CRACDL: variants seen among roughly 807,000 people sequenced by gnomAD.
CRACDL encodes CRACD-like protein.
CRACDL carries 26 observed loss-of-function variants against 70.6 expected under a neutral mutation model. The ratio of observed to expected loss-of-function variants is 0.37; its 90% CI spans 0.27 to 0.51. The LOEUF is 0.51. Among genes scored for constraint, CRACDL ranks in the 20% least tolerant of loss-of-function variants. The probability of loss-of-function intolerance (pLI) is 0.94; values close to 1 mark genes in which losing one functional copy is unlikely to be tolerated. For missense variants in CRACDL, 1,283 were observed against 1,376.9 expected (o/e 0.93, Z 1.08); for synonymous variants, 618 against 615.2 (o/e 1.00, Z -0.07).
intron 7 of CRACDL, among the ~76,000 whole-genome samples, chr2:98,818,460 C>T (rs531779742): frequency 1.3e-5 from 2 of 152,246 alleles, no homozygotes; most frequent in African/African-American, 4.8e-5. Flanking sequence ...TGCCCAAAGC[C>T]GAGTCATCTG....
chr2:98,869,287 G>A, intron 1 of CRACDL: 5 of 1,217,892 alleles, frequency 4.1e-6, no homozygotes, highest in Non-Finnish European at 5.3e-6. Flanking sequence ...GCGCCAGGAG[G>A]AAGTGGGGCT....
chr2:98,795,077 A>ATATATATATTTGTTTTTTTTT, intron 9 of CRACDL, among the ~76,000 whole-genome samples: 1 of 58,510 alleles, frequency 1.7e-5, no homozygotes, highest in Non-Finnish European at 3.1e-5. Context: ...ATATATATAT[A>ATATATATATTTGTTTTTTTTT]TTTTTTTTTT....
intron 1 of CRACDL, among the ~76,000 whole-genome samples, chr2:98,858,336 G>A (rs368023175): frequency 3.3e-5 from 5 of 152,020 alleles, no homozygotes; most frequent in Non-Finnish European, 5.9e-5. Flanking sequence ...CCAACATGGT[G>A]AAACCCCATC....
chr2:98,854,296 A>AG, intron 1 of CRACDL, among the ~76,000 whole-genome samples: 1 of 150,504 alleles, frequency 6.6e-6, no homozygotes, highest in Admixed American at 6.6e-5. Context: ...AAAAAAAAAA[A>AG]AAAAGAAAGA....
intron 7 of CRACDL, among the ~76,000 whole-genome samples, chr2:98,806,240 TG>T (rs1704287576): frequency 6.6e-6 from 1 of 152,226 alleles, no homozygotes; most frequent in Admixed American, 6.5e-5. Flanking sequence ...ATACCTGCTT[TG>T]GGGATCTATT....
In CRACDL at chr2:98,929,256, G is replaced by A. The variant is rs117636913; in HGVS notation, c.-11+6682C>T. On this transcript the variant is annotated intron_variant, in intron 1 of 9. Transcript: ENST00000397899. ...GGAGATGGGGCTTCAGAGTGCTTGC[G>A]GTATTTCCCATGCCGCCTGCACAGA... Among the ~76,000 whole-genome samples the A allele has an allele frequency of 1.4e-4, 22 of 152,330 alleles. 1 individual carries two copies. The East Asian group carries it at 3.5e-3, about 24-fold the overall frequency.
chr2:98,820,128 T>C (rs1472222137), intron 7 of CRACDL, among the ~76,000 whole-genome samples: 2 of 151,898 alleles, frequency 1.3e-5, no homozygotes, highest in African/African-American at 4.8e-5. Context: ...AAAACATTTT[T>C]AAAAAACAAA....
intron 1 of CRACDL, among the ~76,000 whole-genome samples, chr2:98,912,383 C>T (rs527639626): frequency 6.6e-6 from 1 of 152,312 alleles, no homozygotes; most frequent in East Asian, 1.9e-4. Context: ...GCAGTGAGCT[C>T]GGTGATGCTC....
In CRACDL at chr2:98,853,108, G is replaced by C. The variant is rs894318840; in HGVS notation, c.-10-6298C>G. 2.6e-5 allele frequency among the ~76,000 whole-genome samples: 4 copies of C among 152,252 alleles called. No individual in the cohort carries two copies. In the South Asian group the frequency reaches 8.3e-4, roughly 32 times the overall value. On this transcript the variant is annotated intron_variant, in intron 1 of 9. Transcript: ENST00000397899. ...TACGAATAAACATTTCTCCAAAATG[G>C]TGGAAAAGATAATGTTACAGATCTA...
chr2:98,827,233 A>G (rs2104484113), intron 5 of CRACDL, 64 bp from the exon 6 acceptor site: 2 of 1,138,568 alleles, frequency 1.8e-6, no homozygotes, highest in Non-Finnish European at 2.6e-6. Context: ...AGGACGACCA[A>G]CGCAACAATG....
intron 7 of CRACDL, among the ~76,000 whole-genome samples, chr2:98,798,045 T>C (rs1193080660): frequency 6.6e-6 from 1 of 152,134 alleles, no homozygotes; most frequent in East Asian, 1.9e-4. Context: ...ATAGTGCCTT[T>C]GAAACCATAT....
intron 7 of CRACDL, among the ~76,000 whole-genome samples, chr2:98,805,815 C>T (rs1196140167): frequency 1.3e-5 from 2 of 152,258 alleles, no homozygotes; most frequent in East Asian, 3.8e-4. Context: ...GGCTCTCCTG[C>T]TTTCCCAGGC....
intron 6 of CRACDL, among the ~76,000 whole-genome samples, chr2:98,825,195 T>C (rs763237006): frequency 3.3e-5 from 5 of 152,220 alleles, no homozygotes; most frequent in East Asian, 1.9e-4. Flanking sequence ...CCCGGCATCA[T>C]AGGTTCCACA....
chr2:98,916,406 A>G (rs974327093), intron 1 of CRACDL, among the ~76,000 whole-genome samples: 1 of 152,192 alleles, frequency 6.6e-6, no homozygotes, highest in Admixed American at 6.5e-5. Context: ...TATCTTGATC[A>G]TGGTGTTGGT....
chr2:98,802,339 A>T, intron 7 of CRACDL, among the ~76,000 whole-genome samples: 1 of 152,234 alleles, frequency 6.6e-6, no homozygotes, highest in Non-Finnish European at 1.5e-5. Context: ...GCCATCCCGG[A>T]TGCAGGACAC....
At chr2:98,798,443 CAAAAAA>C (rs70940125) in intron 7 of CRACDL, among the ~76,000 whole-genome samples, 1 of 44,356 alleles carries the variant, frequency 2.3e-5, no homozygotes. Context: ...GACTCCGTCT[CAAAAAA>C]AAAAAAAAAA....
chr2:98,931,519 GA>G (rs1709077489), intron 1 of CRACDL, among the ~76,000 whole-genome samples: 1 of 152,120 alleles, frequency 6.6e-6, no homozygotes, highest in African/African-American at 2.4e-5. Context: ...ATGAGAATTT[GA>G]GGGCAGAAAC....
At chr2:98,860,543 A>T (rs986229326) in intron 1 of CRACDL, among the ~76,000 whole-genome samples, 29 of 152,188 alleles carry the variant, frequency 1.9e-4, no homozygotes, top group African/African-American at 6.5e-4. Flanking sequence ...CTTTTCAACA[A>T]ACCGGGCTGG....
At chr2:98,817,871 A>G (rs1704848007) in intron 7 of CRACDL, among the ~76,000 whole-genome samples, 1 of 152,154 alleles carries the variant, frequency 6.6e-6, no homozygotes, top group Admixed American at 6.5e-5. Flanking sequence ...GGTTTCTTGC[A>G]CTACCTTCCA....
Sources: gnomAD v4.1 joint callset for allele counts (sites outside exome capture counted in the v4.1 genomes callset) on GRCh38, gnomAD v4.1.1 for gene constraint, MANE v1.5 for transcripts, NCBI Gene and HGNC (gene_info 2026-07-23, HGNC 2026-07-21) for gene names.